EDEM2: variants seen among roughly 807,000 people sequenced by gnomAD.
The protein encoded by EDEM2 is ER degradation enhancing alpha-mannosidase like protein 2.
Under a neutral mutation model 64.8 loss-of-function variants are expected in EDEM2, and 39 were observed. The ratio of observed to expected loss-of-function variants is 0.60; its 90% CI spans 0.47 to 0.79. The LOEUF (loss-of-function observed/expected upper bound fraction) is 0.79. EDEM2 is among the 30% of genes least tolerant of loss of function. The pLI is 0.00. For synonymous variants in EDEM2, 296 were observed against 291.5 expected, an observed-to-expected ratio of 1.02 and a Z score of -0.16; for missense variants, 609 against 731.3, an observed-to-expected ratio of 0.83 and a Z score of 1.93.
At chr20:35,133,475 T>C (rs1259184150) in intron 6 of EDEM2, among the ~76,000 whole-genome samples, 1 of 151,822 alleles carries the variant, frequency 6.6e-6, no homozygotes, top group Non-Finnish European at 1.5e-5. Flanking sequence ...GCACCTTTTT[T>C]TTTTTTTTGA....
chr20:35,123,660 C>T (rs1450141714), intron 9 of EDEM2, among the ~76,000 whole-genome samples: 1 of 152,160 alleles, frequency 6.6e-6, no homozygotes, highest in Non-Finnish European at 1.5e-5. Flanking sequence ...CTAGCTCCTG[C>T]ACTTAAGAGC....
chr20:35,118,753 T>C, intron 9 of EDEM2, 34 bp from the exon 10 acceptor site: 1 of 1,610,102 alleles, frequency 6.2e-7, no homozygotes. Context: ...CCTCACTCAG[T>C]GGCTGCACAG....
intron 6 of EDEM2, among the ~76,000 whole-genome samples, chr20:35,132,205 C>T (rs2085514636): frequency 6.6e-6 from 1 of 152,068 alleles, no homozygotes; most frequent in South Asian, 2.1e-4. Context: ...ATAAGAACAT[C>T]CACCAAGAAG....
In EDEM2 at chr20:35,131,710, G is replaced by A; in HGVS notation, c.776C>T (p.Ser259Phe). The A allele has an allele frequency of 1.9e-6, 3 of 1,614,172 alleles. No homozygotes were observed. The highest frequency in any genetic ancestry group is 2.5e-6 in the Non-Finnish European group (3 of 1,180,032). Reference protein sequence around the residue: ...QDAGIGAGVDSYFEYLVKGAI... With the variant: ...QDAGIGAGVDFYFEYLVKGAI... The stretch of plus-strand genomic sequence containing the variant: ...TCCTTTCACCAAGTACTCAAAGTAG[G>A]AGTCCACGCCAGCCCCGATGCCTGC... Residue 259 changes from serine (S) to phenylalanine (F), a missense_variant, in exon 7 of 11, where the codon TCC becomes TTC. Physicochemically the swap from Ser to Phe is radical, Grantham distance 155. Coordinates refer to ENST00000374492, the MANE Select transcript of EDEM2 (RefSeq NM_018217.3).
In EDEM2 at chr20:35,125,748, A is replaced by C. The variant is rs539014764; in HGVS notation, c.969+503T>G. On this transcript the variant is annotated intron_variant, in intron 8 of 10. Coordinates refer to ENST00000374492, the MANE Select transcript of EDEM2 (RefSeq NM_018217.3). ...TGCCCAGGTGGGACTACTTTTTCTT[A>C]AAACTTTTAAAAACGTAGATTATAA... Among the ~76,000 whole-genome samples, 437 of 152,252 alleles carry C rather than the reference A, an allele frequency of 2.9e-3. 2 individuals are homozygous for C. The highest frequency in any genetic ancestry group is 4.6e-3 in the Non-Finnish European group (311 of 68,018).
intron 4 of EDEM2, among the ~76,000 whole-genome samples, chr20:35,141,910 G>C (rs1012483394): frequency 1.3e-5 from 2 of 152,146 alleles, no homozygotes; most frequent in African/African-American, 4.8e-5. Context: ...AAAATTAAAT[G>C]AAATTAAAAA....
intron 8 of EDEM2, among the ~76,000 whole-genome samples, chr20:35,124,735 T>C (rs574181258): frequency 2.6e-5 from 4 of 152,300 alleles, no homozygotes; most frequent in African/African-American, 9.6e-5. Flanking sequence ...ATATGTTATT[T>C]TCCCCACACT....
chr20:35,116,859 G>A (rs2085314891), intron 10 of EDEM2, among the ~76,000 whole-genome samples: 1 of 151,726 alleles, frequency 6.6e-6, no homozygotes, highest in South Asian at 2.1e-4. Flanking sequence ...GCATGGTCTC[G>A]GCTCACTGCA....
Position 35,115,802 on chromosome 20 carries a change from C to A in EDEM2, c.1368G>T (p.Ala456=). 1.2e-6 allele frequency: 2 copies of A among 1,613,722 alleles called. No individual in the cohort carries two copies. The highest frequency in any genetic ancestry group is 1.7e-6 in the Non-Finnish European group (2 of 1,180,024). The change falls in exon 11 of 11, where the codon GCG becomes GCT. Residue 456 remains alanine (A), a synonymous_variant. Transcript: ENST00000374492. Reference sequence around the variant, plus strand: ...TGCACTCCCCATAGGGGGTGATCACCGCGTCGAAGGTGGACCCATTGTTGT... The same window carrying A: ...TGCACTCCCCATAGGGGGTGATCACAGCGTCGAAGGTGGACCCATTGTTGT... ...FIHNNGSTFD[A]VITPYGECIL...
At chr20:35,127,609 G>T (rs1410117967) in intron 7 of EDEM2, among the ~76,000 whole-genome samples, 5 of 152,194 alleles carry the variant, frequency 3.3e-5, no homozygotes. Context: ...AACAGGAGTT[G>T]TAAGGATTAT....
chr20:35,130,288 T>C (rs958225425), intron 7 of EDEM2, among the ~76,000 whole-genome samples: 2 of 152,130 alleles, frequency 1.3e-5, no homozygotes, highest in African/African-American at 4.8e-5. Flanking sequence ...CAGGCTGATC[T>C]TGAACTTCTG....
intron 9 of EDEM2, among the ~76,000 whole-genome samples, chr20:35,119,223 C>T (rs1281775071): frequency 6.6e-6 from 1 of 152,128 alleles, no homozygotes; most frequent in Non-Finnish European, 1.5e-5. Context: ...AATTCTAAAA[C>T]TCAAAAGAAG....
At chr20:35,140,423 A>G (rs1043206395) in intron 4 of EDEM2, among the ~76,000 whole-genome samples, 2 of 152,118 alleles carry the variant, frequency 1.3e-5, no homozygotes, top group Admixed American at 6.6e-5. Flanking sequence ...GGTGGAGGTG[A>G]GCCAAGATCG....
Position 35,115,911 on chromosome 20 carries a change from T to C in EDEM2, c.1259A>G (p.Lys420Arg). The C allele has an allele frequency of 6.2e-7, 1 of 1,613,994 alleles. No individual in the cohort carries two copies. Among genetic ancestry groups the C allele is most frequent in the Non-Finnish European group, 8.5e-7 (1 of 1,179,912 alleles). Residue 420 changes from lysine (K) to arginine (R), a missense_variant, in exon 11 of 11, where the codon AAG becomes AGG. Physicochemically the swap from Lys to Arg is conservative, Grantham distance 26. Transcript: ENST00000374492. ...FATIKDLRDH[K>R]LDNRMESFFL... ...GAACGACTCCATGCGGTTGTCCAGC[T>C]TGTGGTCTCGCAGATCTTTGATCTG...
At chr20:35,130,121 T>C (rs558244224) in intron 7 of EDEM2, among the ~76,000 whole-genome samples, 1 of 152,310 alleles carries the variant, frequency 6.6e-6, no homozygotes, top group Admixed American at 6.5e-5. Flanking sequence ...CAGGCTGAAA[T>C]GCAGTGGTAT....
Position 35,126,226 on chromosome 20 carries a change from G to C in EDEM2, c.969+25C>G, listed in dbSNP as rs756645322. 20 of 1,607,848 alleles carry C rather than the reference G, an allele frequency of 1.2e-5. 1 individual carries two copies. In the South Asian group the frequency reaches 2.2e-4, roughly 18 times the overall value. On this transcript the variant is annotated intron_variant, in intron 8 of 10. Transcript: ENST00000374492. ...TGCTTTGCCAGACTCATAGAAAGAT[G>C]ATCACATTCTTTGATCATTCCTACC...
chr20:35,146,855 A>T lies in EDEM2; in HGVS notation c.188T>A (p.Leu63His), dbSNP rs749984821. 1.9e-6 allele frequency: 3 copies of T among 1,614,080 alleles called. No individual in the cohort carries two copies. In the Admixed American group the frequency reaches 5.0e-5, roughly 27 times the overall value. The stretch of plus-strand genomic sequence containing the variant: ...CCAGGTGTCGTGCCCGTCACAGGTG[A>T]GAGGTCGCAGCTCATCGAAGGGAAA... Reference protein sequence around the residue: ...NAFPFDELRPLTCDGHDTWGS... With the variant: ...NAFPFDELRPHTCDGHDTWGS... The change falls in exon 2 of 11, where the codon CTC becomes CAC. Residue 63 changes from leucine (L) to histidine (H), a missense_variant. Physicochemically the swap from Leu to His is moderately conservative, Grantham distance 99 (BLOSUM62 -3). Transcript: ENST00000374492.
Position 35,124,052 on chromosome 20 carries a change from T to C in EDEM2, c.970-18A>G. On this transcript the variant is annotated intron_variant, in intron 8 of 10. Transcript: ENST00000374492. ...ATGAGGCTCTGTGGGAGAAAGTGGC[T>C]GTCAGGCAGGTAGACACCAGGCATA... is the stretch of plus-strand genomic sequence containing the variant. 1 of 1,608,604 alleles carries C rather than the reference T, an allele frequency of 6.2e-7. No individual in the cohort carries two copies. The highest frequency in any genetic ancestry group is 1.1e-5 in the South Asian group (1 of 90,874).
At chr20:35,147,116 C>T in intron 1 of EDEM2, 36 bp downstream of exon 1, 1 of 1,590,076 alleles carries the variant, frequency 6.3e-7, no homozygotes, top group South Asian at 1.1e-5. Flanking sequence ...TCACGCTTCC[C>T]ATTCCCCAAC....
Sources: gnomAD v4.1 joint callset for allele counts (sites outside exome capture counted in the v4.1 genomes callset) on GRCh38, gnomAD v4.1.1 for gene constraint, MANE v1.5 for transcripts, NCBI Gene and HGNC (gene_info 2026-07-23, HGNC 2026-07-21) for gene names.